NCOR1: variants seen among roughly 807,000 people sequenced by gnomAD.
NCOR1 encodes nuclear receptor corepressor 1.
A neutral mutation model predicts 288.1 loss-of-function variants in NCOR1; 63 were observed. The observed-to-expected ratio is 0.22, with a 90% CI of 0.18 to 0.27. The LOEUF (loss-of-function observed/expected upper bound fraction) is 0.27. Among genes scored for constraint, NCOR1 ranks in the 10% least tolerant of loss-of-function variants. The pLI is 1.00. For missense variants in NCOR1, 2,397 were observed against 3,019.2 expected (o/e 0.79, Z 4.83); for synonymous variants, 1,007 against 1,065.9 (o/e 0.94, Z 1.08).
chr17:16,105,557 T>C (rs536253694), intron 19 of NCOR1, among the ~76,000 whole-genome samples: 9 of 152,240 alleles, frequency 5.9e-5, no homozygotes, highest in African/African-American at 1.7e-4. Flanking sequence ...ACCTAATTTA[T>C]TGATATAGTG....
chr17:16,100,074 T>C (rs577307394), intron 20 of NCOR1, among the ~76,000 whole-genome samples: 298 of 152,226 alleles, frequency 2.0e-3, no homozygotes, highest in Middle Eastern at 0.01. Context: ...TTTATTCTTA[T>C]TAAAAAGAAA....
chr17:16,199,216 A>AAAAAACAC (rs1337668798), intron 1 of NCOR1, among the ~76,000 whole-genome samples: 2,668 of 122,066 alleles, frequency 0.022, 45 homozygotes, highest in Non-Finnish European at 0.025. Context: ...AAAAAAAAAA[A>AAAAAACAC]ACACACACAC....
intron 10 of NCOR1, among the ~76,000 whole-genome samples, chr17:16,144,771 C>A (rs1254482840): frequency 1.3e-5 from 2 of 151,484 alleles, no homozygotes; most frequent in East Asian, 3.9e-4. Context: ...ATCTCCCTCT[C>A]CCTCTCCTCC....
At chr17:16,203,378 T>TTC (rs1386448599) in intron 1 of NCOR1, among the ~76,000 whole-genome samples, 1 of 152,152 alleles carries the variant, frequency 6.6e-6, no homozygotes, top group East Asian at 1.9e-4. Flanking sequence ...TCAGGAGCCC[T>TTC]TCTCTGCCAG....
intron 5 of NCOR1, among the ~76,000 whole-genome samples, chr17:16,164,244 A>AG (rs2081530725): frequency 2.8e-5 from 1 of 35,242 alleles, no homozygotes. Flanking sequence ...CCAAATCTGG[A>AG]AAAAAAAAAA....
chr17:16,123,412 C>T (rs2073398911), intron 15 of NCOR1, among the ~76,000 whole-genome samples: 1 of 152,146 alleles, frequency 6.6e-6, no homozygotes, highest in Non-Finnish European at 1.5e-5. Context: ...TCATACTGGC[C>T]TCCCTGATTC....
chr17:16,149,292 C>CATATATATATATATATATATATATATAT (rs34511605), intron 9 of NCOR1, among the ~76,000 whole-genome samples, 159 bp downstream of exon 9: 1 of 137,958 alleles, frequency 7.2e-6, no homozygotes, highest in African/African-American at 2.7e-5. Context: ...AGATTTAAGT[C>CATATATATATATATATATATATATATAT]ATATATATAT....
intron 41 of NCOR1, among the ~76,000 whole-genome samples, chr17:16,047,493 C>T (rs914201220): frequency 6.6e-6 from 1 of 152,084 alleles, no homozygotes; most frequent in African/African-American, 2.4e-5. Flanking sequence ...GTTTTAAGTA[C>T]ACTAAAATTA....
intron 40 of NCOR1, among the ~76,000 whole-genome samples, chr17:16,050,547 A>G (rs2152488488): frequency 6.6e-6 from 1 of 152,270 alleles, no homozygotes; most frequent in South Asian, 2.1e-4. Flanking sequence ...TGACATAGCG[A>G]TTATGCATAT....
intron 44 of NCOR1, among the ~76,000 whole-genome samples, chr17:16,035,530 C>CTTTTT (rs966987249): frequency 8.5e-6 from 1 of 118,340 alleles, no homozygotes; most frequent in Non-Finnish European, 1.8e-5. Context: ...TTCTCTTGTT[C>CTTTTT]TTTTTTTTTT....
chr17:16,127,707 GTGTGTGTATATATACATA>G (rs1810073771), intron 14 of NCOR1, among the ~76,000 whole-genome samples: 2 of 127,604 alleles, frequency 1.6e-5, no homozygotes, highest in South Asian at 4.8e-4. Context: ...ATGTATATAT[GTGTGTGTATATATACATA>G]TATGTGTATA....
chr17:16,207,896 A>T (rs2091713893), intron 1 of NCOR1, among the ~76,000 whole-genome samples: 2 of 151,990 alleles, frequency 1.3e-5, no homozygotes, highest in Non-Finnish European at 2.9e-5. Flanking sequence ...AGAAATCCAA[A>T]TAAGTTAGGA....
chr17:16,035,952 T>C (rs954948347), intron 44 of NCOR1, among the ~76,000 whole-genome samples: 1 of 152,222 alleles, frequency 6.6e-6, no homozygotes, highest in Non-Finnish European at 1.5e-5. Flanking sequence ...CCTGTTAATG[T>C]TGATATTCTT....
intron 42 of NCOR1, among the ~76,000 whole-genome samples, chr17:16,044,071 G>A (rs1318252290): frequency 6.7e-6 from 1 of 149,824 alleles, no homozygotes; most frequent in Non-Finnish European, 1.5e-5. Context: ...CGGGAGGCTG[G>A]CCCAGGAGAA....
At chr17:16,169,338 G>C (rs1379006592) in intron 4 of NCOR1, among the ~76,000 whole-genome samples, 1 of 151,962 alleles carries the variant, frequency 6.6e-6, no homozygotes, top group Admixed American at 6.6e-5. Flanking sequence ...CATACAAATA[G>C]GGAAGAATCA....
intron 35 of NCOR1, among the ~76,000 whole-genome samples, chr17:16,063,377 C>T (rs2060751566): frequency 6.6e-6 from 1 of 151,998 alleles, no homozygotes; most frequent in Non-Finnish European, 1.5e-5. Flanking sequence ...GAGACAGGGT[C>T]TCACCATGTT....
chr17:16,067,373 T>C (rs1345378728), intron 32 of NCOR1, among the ~76,000 whole-genome samples: 1 of 152,242 alleles, frequency 6.6e-6, no homozygotes, highest in African/African-American at 2.4e-5. Flanking sequence ...AGGTGCGGAC[T>C]AGACAACTTC....
At chr17:16,041,886 G>A (rs767359881) in intron 42 of NCOR1, among the ~76,000 whole-genome samples, 9 of 152,218 alleles carry the variant, frequency 5.9e-5, no homozygotes, top group Non-Finnish European at 7.4e-5. Flanking sequence ...ACAGGCGCCC[G>A]CCACTATGCC....
At chr17:16,191,965 A>G (rs899292729) in intron 2 of NCOR1, 1 of 151,730 alleles carries the variant, frequency 6.6e-6, no homozygotes, top group African/African-American at 2.4e-5. Flanking sequence ...TTCAGCATTT[A>G]TATGATGACG....
Sources: gnomAD v4.1 joint callset for allele counts (sites outside exome capture counted in the v4.1 genomes callset) on GRCh38, gnomAD v4.1.1 for gene constraint, MANE v1.5 for transcripts, NCBI Gene and HGNC (gene_info 2026-07-23, HGNC 2026-07-21) for gene names.